The following KCNN2 variants were observed in gnomAD, a reference collection of about 807,000 sequenced individuals.
KCNN2 encodes small conductance calcium-activated potassium channel protein 2.
KCNN2 carries 24 observed loss-of-function variants against 55.5 expected under a neutral mutation model. The ratio of observed to expected loss-of-function variants is 0.43; its 90% CI spans 0.31 to 0.61. The LOEUF (loss-of-function observed/expected upper bound fraction) is 0.61. Among genes scored for constraint, KCNN2 ranks in the 20% least tolerant of loss-of-function variants. KCNN2 has a pLI of 0.08. For synonymous variants in KCNN2, 431 were observed against 336.1 expected, an observed-to-expected ratio of 1.28 and a Z score of -3.09; for missense variants, 754 against 853.6, an observed-to-expected ratio of 0.88 and a Z score of 1.45.
intron 2 of KCNN2, among the ~76,000 whole-genome samples, chr5:114,261,094 A>G (rs1332872709): frequency 6.6e-6 from 1 of 152,200 alleles, no homozygotes; most frequent in Non-Finnish European, 1.5e-5. Flanking sequence ...GTGTAAATTA[A>G]TAGCACACTC....
Position 114,435,186 on chromosome 5 carries a change from G to C in KCNN2, c.1638-27863G>C, listed in dbSNP as rs1382532208. 2.7e-5 allele frequency among the ~76,000 whole-genome samples: 4 copies of C among 145,876 alleles called. No individual in the cohort carries two copies. The East Asian group carries it at 8.9e-4, about 32-fold the overall frequency. On this transcript the variant is annotated intron_variant, in intron 3 of 7. Transcript: ENST00000673685. The stretch of plus-strand genomic sequence containing the variant: ...TGAGTTTGTTTTCTCTCTCAAGCTA[G>C]TGAGTGCACAGTCTCTAGCAATTAG...
chr5:114,147,170 GGT>G (rs1752416234), intron 1 of KCNN2, among the ~76,000 whole-genome samples: 1 of 152,106 alleles, frequency 6.6e-6, no homozygotes, highest in Non-Finnish European at 1.5e-5. Context: ...CAGTAAAAAT[GGT>G]AACACCTGCC....
chr5:114,254,159 A>G (rs1040037042), intron 2 of KCNN2, among the ~76,000 whole-genome samples: 23 of 152,192 alleles, frequency 1.5e-4, no homozygotes, highest in African/African-American at 5.1e-4. Context: ...AATATATTGC[A>G]ATGTTTTGCT....
chr5:114,387,058 A>G (rs781248460), intron 2 of KCNN2, among the ~76,000 whole-genome samples: 10 of 152,252 alleles, frequency 6.6e-5, no homozygotes, highest in Admixed American at 1.3e-4. Flanking sequence ...TGTGTTGTAA[A>G]GAAAACCTAA....
chr5:114,480,677 T>A (rs1762185090), intron 5 of KCNN2, among the ~76,000 whole-genome samples: 1 of 152,202 alleles, frequency 6.6e-6, no homozygotes, highest in Non-Finnish European at 1.5e-5. Flanking sequence ...CATGATCAAG[T>A]TGGCTTCATC....
intron 1 of KCNN2, among the ~76,000 whole-genome samples, chr5:114,090,487 G>GA (rs1751115293): frequency 6.6e-6 from 1 of 151,682 alleles, no homozygotes; most frequent in South Asian, 2.1e-4. Context: ...AGGAAAGACT[G>GA]AATTCATAAC....
intron 1 of KCNN2, among the ~76,000 whole-genome samples, chr5:114,176,602 T>C (rs1561510309): frequency 6.6e-6 from 1 of 152,208 alleles, no homozygotes; most frequent in Non-Finnish European, 1.5e-5. Flanking sequence ...TTATCATTAT[T>C]ACTAGAAGCC....
At chr5:114,217,197 A>G (rs948649172) in intron 1 of KCNN2, among the ~76,000 whole-genome samples, 3 of 152,148 alleles carry the variant, frequency 2.0e-5, no homozygotes, top group East Asian at 1.9e-4. Flanking sequence ...TAGAGATTCA[A>G]TGCAATCCCA....
intron 1 of KCNN2, among the ~76,000 whole-genome samples, chr5:114,142,540 T>C (rs1039074222): frequency 6.6e-6 from 1 of 152,162 alleles, no homozygotes; most frequent in African/African-American, 2.4e-5. Context: ...ACAAAATCAA[T>C]GGGCAAAGAT....
intron 3 of KCNN2, among the ~76,000 whole-genome samples, chr5:114,434,338 C>G (rs1008779362): frequency 6.6e-6 from 1 of 152,020 alleles, no homozygotes; most frequent in Non-Finnish European, 1.5e-5. Flanking sequence ...TTTTTTCTTA[C>G]AATTTCTATC....
At chr5:114,125,334 C>T (rs938174415) in intron 1 of KCNN2, among the ~76,000 whole-genome samples, 1 of 152,162 alleles carries the variant, frequency 6.6e-6, no homozygotes, top group Non-Finnish European at 1.5e-5. Context: ...TTTGGAGTCT[C>T]AGCTGAAATT....
At chr5:114,256,002 C>T (rs1754976536) in intron 2 of KCNN2, among the ~76,000 whole-genome samples, 1 of 152,072 alleles carries the variant, frequency 6.6e-6, no homozygotes, top group Non-Finnish European at 1.5e-5. Context: ...CCCCCTCCTA[C>T]TCTCTCACCT....
intron 1 of KCNN2, among the ~76,000 whole-genome samples, chr5:114,212,316 C>G (rs1157782508): frequency 6.6e-6 from 1 of 151,820 alleles, no homozygotes; most frequent in African/African-American, 2.4e-5. Flanking sequence ...GTGCATAATT[C>G]CCTTGGTGTG....
rs573497135 is a variant in KCNN2 at position 114,073,126 on chromosome 5, A to G, written c.-271+16626A>G. Among the ~76,000 whole-genome samples the G allele has an allele frequency of 1.0e-3, 154 of 152,254 alleles. 1 individual carries two copies. Among genetic ancestry groups the G allele is most frequent in the African/African-American group, 3.6e-3 (149 of 41,568 alleles). Reference sequence around the variant, plus strand: ...GTTGTAATAACTTCTCTTCTCCCTTAGTCAGTGTTATCATCTTTGTGTTCT... The same window carrying G: ...GTTGTAATAACTTCTCTTCTCCCTTGGTCAGTGTTATCATCTTTGTGTTCT... On this transcript the variant is annotated intron_variant, in intron 1 of 10. Transcript: ENST00000512097.
chr5:114,091,908 T>C (rs943932498), intron 1 of KCNN2, among the ~76,000 whole-genome samples: 1 of 152,194 alleles, frequency 6.6e-6, no homozygotes, highest in Non-Finnish European at 1.5e-5. Flanking sequence ...GGGATTATGA[T>C]TCAAGATGAG....
chr5:114,289,883 T>C (rs1162816052), intron 2 of KCNN2, among the ~76,000 whole-genome samples: 2 of 152,196 alleles, frequency 1.3e-5, no homozygotes, highest in African/African-American at 4.8e-5. Context: ...TTCATTTTCT[T>C]GGTTAAATTC....
At chr5:114,200,548 A>G (rs1037186789) in intron 1 of KCNN2, among the ~76,000 whole-genome samples, 5 of 151,956 alleles carry the variant, frequency 3.3e-5, no homozygotes, top group African/African-American at 9.7e-5. Context: ...CTGTTGCTGG[A>G]CAATTGTTGT....
At chr5:114,389,177 T>A (rs932181388) in intron 2 of KCNN2, among the ~76,000 whole-genome samples, 3 of 152,244 alleles carry the variant, frequency 2.0e-5, no homozygotes, top group Non-Finnish European at 4.4e-5. Context: ...AATGTAATAA[T>A]TGTTTTCCTT....
At chr5:114,130,056 C>T (rs1580539118) in intron 1 of KCNN2, among the ~76,000 whole-genome samples, 1 of 152,176 alleles carries the variant, frequency 6.6e-6, no homozygotes, top group African/African-American at 2.4e-5. Flanking sequence ...ATAACCTCAT[C>T]CTATGGAACA....
Sources: allele counts gnomAD v4.1 joint callset (sites outside exome capture counted in the v4.1 genomes callset), GRCh38; gene constraint gnomAD v4.1.1; transcripts MANE v1.5; gene names NCBI Gene and HGNC (gene_info 2026-07-23, HGNC 2026-07-21).